The following DMD variants were observed in gnomAD, a reference collection of about 807,000 sequenced individuals.
DMD encodes the protein mutant dystrophin.
Under a neutral mutation model 330.1 loss-of-function variants are expected in DMD, and 63 were observed. The observed-to-expected ratio is 0.19, with a 90% confidence interval of 0.16 to 0.24. The LOEUF (loss-of-function observed/expected upper bound fraction) is 0.24, where lower values mean the gene tolerates loss of function less well. DMD is among the 10% of genes least tolerant of loss of function. The pLI is 1.00. For missense variants in DMD, 3,344 were observed against 2,684.1 expected, an observed-to-expected ratio of 1.25 and a Z score of -5.43; for synonymous variants, 1,223 against 959.8, an observed-to-expected ratio of 1.27 and a Z score of -5.07.
At chrX:32,587,348 T>A (rs2054409751) in intron 13 of DMD, among the ~76,000 whole-genome samples, 3 of 112,118 alleles carry the variant, frequency 2.7e-5, no homozygotes, top group African/African-American at 9.7e-5. Context: ...CTAACAGCAA[T>A]GTCCAAAGAG....
intron 29 of DMD, among the ~76,000 whole-genome samples, chrX:32,420,333 C>G (rs757956180): frequency 2.8e-4 from 31 of 111,755 alleles, no homozygotes; most frequent in Non-Finnish European, 4.9e-4. Context: ...CATGTTCAAG[C>G]AAAATATAAA....
At chrX:31,922,525 T>TGTGTGTGTGTGTGTGCGCGCGC (rs773093542) in intron 47 of DMD, among the ~76,000 whole-genome samples, 31 of 106,401 alleles carry the variant, frequency 2.9e-4, no homozygotes, top group African/African-American at 8.9e-4. Flanking sequence ...TGTGTGTGTG[T>TGTGTGTGTGTGTGTGCGCGCGC]GCGCGCGCGT....
At chrX:31,201,305 C>G (rs780479264) in intron 67 of DMD, among the ~76,000 whole-genome samples, 1 of 112,114 alleles carries the variant, frequency 8.9e-6, no homozygotes, top group Non-Finnish European at 1.9e-5. Context: ...GCCCAGAGGT[C>G]GAGGCTGCAA....
intron 55 of DMD, among the ~76,000 whole-genome samples, chrX:31,563,140 C>A (rs1344435234): frequency 1.8e-5 from 2 of 111,484 alleles, no homozygotes; most frequent in African/African-American, 6.5e-5. Context: ...TCTTGGCTCA[C>A]TGCAACCTCC....
At chrX:32,734,332 G>T (rs1381839970) in intron 7 of DMD, among the ~76,000 whole-genome samples, 3 of 87,868 alleles carry the variant, frequency 3.4e-5, no homozygotes, top group African/African-American at 6.3e-5. Context: ...TTCGACCAGA[G>T]GTACAAGGAG....
intron 1 of DMD, among the ~76,000 whole-genome samples, chrX:33,198,724 A>G (rs942744767): frequency 9.0e-6 from 1 of 111,081 alleles, no homozygotes; most frequent in Non-Finnish European, 1.9e-5. Context: ...AGAACTTACC[A>G]CATAATCCGA....
rs183078324 is a variant in DMD, at chrX:32,718,984, G to A, written c.650-19691C>T. On this transcript the variant is annotated intron_variant, in intron 7 of 78. Transcript: ENST00000357033. ...TCTGTAATTGGTGCCTCTTTATATC[G>A]GGGAAGAGGCTATATTCTTGGTAGC... is the stretch of plus-strand genomic sequence containing the variant. Among the ~76,000 whole-genome samples, 52 of 111,540 alleles carry A rather than the reference G, an allele frequency of 4.7e-4. No individual in the cohort carries two copies. The East Asian group carries it at 8.8e-3, about 19-fold the overall frequency.
chrX:31,231,109 C>T (rs1028081479), intron 63 of DMD, among the ~76,000 whole-genome samples: 3 of 110,749 alleles, frequency 2.7e-5, no homozygotes, highest in South Asian at 3.9e-4. Context: ...GCTTCAAGAG[C>T]GGAAGGATCA....
intron 1 of DMD, among the ~76,000 whole-genome samples, chrX:33,115,410 G>A (rs1569555459): frequency 9.0e-6 from 1 of 110,957 alleles, no homozygotes; most frequent in African/African-American, 3.3e-5. Flanking sequence ...GTAATGGGGG[G>A]ATCTCCTAAA....
At chrX:32,927,859 CAT>C (rs1472955888) in intron 2 of DMD, among the ~76,000 whole-genome samples, 1 of 110,820 alleles carries the variant, frequency 9.0e-6, no homozygotes, top group African/African-American at 3.3e-5. Context: ...AAAAAATAGA[CAT>C]GTGTTTCCCT....
intron 30 of DMD, 121 bp from the exon 31 acceptor site, chrX:32,390,302 C>T (rs1013445946): frequency 9.0e-6 from 5 of 555,990 alleles, no homozygotes; most frequent in African/African-American, 4.5e-5. Context: ...TTAAAATGAC[C>T]GTAAATTGGC....
intron 33 of DMD, among the ~76,000 whole-genome samples, chrX:32,383,974 C>T (rs1177027388): frequency 1.8e-5 from 2 of 109,974 alleles, no homozygotes; most frequent in African/African-American, 3.3e-5. Flanking sequence ...AACTGAGAAA[C>T]TCCCCTTTAC....
chrX:32,500,098 A>G (rs1019753192), intron 19 of DMD, among the ~76,000 whole-genome samples: 12 of 110,713 alleles, frequency 1.1e-4, no homozygotes, highest in African/African-American at 3.9e-4. Flanking sequence ...TTTGATTAAC[A>G]CAGTCAACCA....
chrX:31,960,499 G>T (rs1417818991), intron 45 of DMD, among the ~76,000 whole-genome samples: 1 of 111,159 alleles, frequency 9.0e-6, no homozygotes, highest in Admixed American at 9.5e-5. Flanking sequence ...TTTTGCTCCT[G>T]TCACTTTTTC....
rs769879343 is a variant in DMD at position 32,504,774 on chromosome X, G to A, written c.2293-2932C>T. 3.6e-5 allele frequency among the ~76,000 whole-genome samples: 4 copies of A among 111,368 alleles called. No homozygotes were observed. In the East Asian group the frequency reaches 1.1e-3, roughly 31 times the overall value. ...GACTACTAGAGTGGGGAGGGAGTGA[G>A]GGGAAAAGGTCCAAAATAGTAGCTA... On this transcript the variant is annotated intron_variant, in intron 18 of 78. Transcript: ENST00000357033.
At chrX:32,230,268 G>A (rs763807738) in intron 43 of DMD, among the ~76,000 whole-genome samples, 12 of 111,844 alleles carry the variant, frequency 1.1e-4, no homozygotes, top group Non-Finnish European at 2.1e-4. Flanking sequence ...TTTTTGAGAC[G>A]GAGTCTCGCT....
chrX:32,508,911 C>T (rs942194228), intron 18 of DMD, among the ~76,000 whole-genome samples: 2 of 110,389 alleles, frequency 1.8e-5, no homozygotes, highest in African/African-American at 3.3e-5. Flanking sequence ...CCCGGGTTCA[C>T]GCCATTCTCC....
chrX:32,135,248 AC>A (rs1280526271), intron 44 of DMD, among the ~76,000 whole-genome samples: 3 of 112,664 alleles, frequency 2.7e-5, no homozygotes, highest in African/African-American at 9.7e-5. Flanking sequence ...TAATAAAAAA[AC>A]TTTTATGGAA....
intron 60 of DMD, among the ~76,000 whole-genome samples, chrX:31,386,167 A>G (rs1300776011): frequency 6.2e-5 from 7 of 112,059 alleles, no homozygotes; most frequent in African/African-American, 2.3e-4. Flanking sequence ...ATAAGTGGGA[A>G]TTGAACAATG....
Sources: gnomAD v4.1 joint callset for allele counts (sites outside exome capture counted in the v4.1 genomes callset) on GRCh38, gnomAD v4.1.1 for gene constraint, MANE v1.5 for transcripts, NCBI Gene and HGNC (gene_info 2026-07-23, HGNC 2026-07-21) for gene names.